The following ZFAT variants were observed in gnomAD, a reference collection of about 807,000 sequenced individuals.
ZFAT encodes zinc finger and AT-hook domain containing, also known as zinc finger protein ZFAT.
In ZFAT, 64 loss-of-function variants were observed where a neutral mutation model predicts 117.7. The ratio of observed to expected loss-of-function variants is 0.54; its 90% confidence interval spans 0.44 to 0.67. The LOEUF (loss-of-function observed/expected upper bound fraction) is 0.67, where lower values mean the gene tolerates loss of function less well. Among genes scored for constraint, ZFAT ranks in the 30% least tolerant of loss-of-function variants. ZFAT has a pLI of 0.00. For synonymous variants in ZFAT, 679 were observed against 615.0 expected, an observed-to-expected ratio of 1.10 and a Z score of -1.54; for missense variants, 1,433 against 1,584.5, an observed-to-expected ratio of 0.90 and a Z score of 1.62.
At chr8:134,694,882 C>T (rs1208779849) in intron 1 of ZFAT, among the ~76,000 whole-genome samples, 1 of 152,192 alleles carries the variant, frequency 6.6e-6, no homozygotes, top group Non-Finnish European at 1.5e-5. Flanking sequence ...ATCACTATAA[C>T]TACAACTCCC....
chr8:134,657,649 C>G lies in ZFAT; in HGVS notation c.108G>C (p.Met36Ile). 5.0e-6 allele frequency: 8 copies of G among 1,614,124 alleles called. No individual in the cohort carries two copies. The highest frequency in any genetic ancestry group is 6.8e-6 in the Non-Finnish European group (8 of 1,180,024). Residue 36 changes from methionine to isoleucine, a missense_variant, in exon 2 of 16, where the codon ATG becomes ATC. By Grantham distance (10) the Met-to-Ile change is conservative. Around this residue, in one of 5 missense-constraint regions of ZFAT, gnomAD observed 436 missense variants for 482.0 expected, o/e 0.90. Transcript: ENST00000377838. ...ELLSHVSEKHMEEGVNVDEII... is the reference protein window; with the variant it reads ...ELLSHVSEKHIEEGVNVDEII... The stretch of plus-strand genomic sequence containing the variant: ...TCTCATCAACATTAACCCCTTCTTC[C>G]ATGTGCTTCTCTGAAACGTGGGAGA...
chr8:134,724,875 C>T, the ZFAT span, among the ~76,000 whole-genome samples: 7 of 152,110 alleles, frequency 4.6e-5, no homozygotes, highest in Non-Finnish European at 8.8e-5. Context: ...TCTCCCTTTG[C>T]GAACTGAAGT....
At chr8:134,624,169 CAT>C (rs1162606285) in intron 3 of ZFAT, among the ~76,000 whole-genome samples, 2 of 136,286 alleles carry the variant, frequency 1.5e-5, no homozygotes, top group Admixed American at 1.6e-4. Flanking sequence ...CGTGCAGGCA[CAT>C]GTGCACATGC....
chr8:134,782,503 T>C, the ZFAT span, among the ~76,000 whole-genome samples: 2 of 152,206 alleles, frequency 1.3e-5, no homozygotes, highest in African/African-American at 4.8e-5. Flanking sequence ...AGGAAATACA[T>C]GAAAATATTA....
intron 11 of ZFAT, among the ~76,000 whole-genome samples, chr8:134,557,825 T>TA (rs1422626756): frequency 6.6e-6 from 1 of 152,228 alleles, no homozygotes; most frequent in Non-Finnish European, 1.5e-5. Context: ...GTCACCCTGT[T>TA]ACACACAGGT....
At chr8:134,578,497 T>C (rs1825481497) in intron 10 of ZFAT, among the ~76,000 whole-genome samples, 1 of 144,848 alleles carries the variant, frequency 6.9e-6, no homozygotes, top group African/African-American at 2.6e-5. Context: ...ATCAGAGAGA[T>C]GGGGGGATCA....
At position 134,564,990 on chromosome 8, in the gene ZFAT, C is replaced by T. The variant is rs1239819261; in HGVS notation, c.2976+343G>A. 10 of 1,263,228 alleles carry T rather than the reference C, an allele frequency of 7.9e-6. No homozygotes were observed. The South Asian group carries it at 9.8e-5, about 12-fold the overall frequency. 78.3% of individuals were successfully genotyped at this position (1,263,228 alleles called of 1,614,324 possible). Reference sequence around the variant, plus strand: ...CCTGCTTTATCGGGTGACTCACCTGCAGCAATCCAGGATCTGAAAGCAAAA... The same window carrying T: ...CCTGCTTTATCGGGTGACTCACCTGTAGCAATCCAGGATCTGAAAGCAAAA... On this transcript the variant is annotated intron_variant, in intron 11 of 15. Transcript: ENST00000377838.
chr8:134,809,264 C>T, the ZFAT span, among the ~76,000 whole-genome samples: 27 of 152,204 alleles, frequency 1.8e-4, no homozygotes, highest in Non-Finnish European at 3.5e-4. Flanking sequence ...CACAGACCTA[C>T]TCCATCCAAA....
At chr8:134,521,903 GTC>G (rs1563804467) in intron 12 of ZFAT, among the ~76,000 whole-genome samples, 2 of 152,174 alleles carry the variant, frequency 1.3e-5, no homozygotes, top group East Asian at 3.9e-4. Flanking sequence ...CACCACAGCT[GTC>G]TGGAACTGTG....
intron 12 of ZFAT, among the ~76,000 whole-genome samples, chr8:134,532,587 T>C (rs1453754022): frequency 1.3e-5 from 2 of 152,222 alleles, no homozygotes; most frequent in Non-Finnish European, 2.9e-5. Flanking sequence ...GTAGAATTTG[T>C]GTGTGAATTT....
intron 11 of ZFAT, among the ~76,000 whole-genome samples, chr8:134,558,658 G>T (rs1012056318): frequency 5.3e-5 from 8 of 152,078 alleles, no homozygotes; most frequent in Non-Finnish European, 7.3e-5. Context: ...GATCAGGCTG[G>T]GTTATATTCC....
the ZFAT span, among the ~76,000 whole-genome samples, chr8:134,778,508 C>T: frequency 9.9e-3 from 1,506 of 152,310 alleles, 16 homozygotes; most frequent in Middle Eastern, 0.017. Context: ...TCCATCTGCT[C>T]GTCAGTCTAT....
At chr8:134,781,985 A>G in the ZFAT span, among the ~76,000 whole-genome samples, 1 of 152,222 alleles carries the variant, frequency 6.6e-6, no homozygotes, top group South Asian at 2.1e-4. Context: ...GCAGTAGTTA[A>G]GTTTGAGAGC....
At chr8:134,558,689 A>G (rs1004918637) in intron 11 of ZFAT, among the ~76,000 whole-genome samples, 1 of 152,204 alleles carries the variant, frequency 6.6e-6, no homozygotes, top group Non-Finnish European at 1.5e-5. Context: ...TCTTTCGAGA[A>G]CTAGAGTCAT....
Position 134,486,548 on chromosome 8 carries a change from G to A in ZFAT, c.3493-7827C>T, listed in dbSNP as rs117955256. On this transcript the variant is annotated intron_variant, in intron 15 of 15. Transcript: ENST00000377838. ...AATGTCCTTGAAAGGGAAGGCACCC[G>A]GGGTTGTGGCTCAGGAAATGAACAG... 9.6e-3 allele frequency among the ~76,000 whole-genome samples: 1,462 copies of A among 152,254 alleles called. 14 individuals are homozygous for A. The highest frequency in any genetic ancestry group is 0.016 in the Non-Finnish European group (1,089 of 68,026).
chr8:134,607,816 A>G (rs927141388), intron 5 of ZFAT, among the ~76,000 whole-genome samples: 1 of 152,260 alleles, frequency 6.6e-6, no homozygotes, highest in African/African-American at 2.4e-5. Context: ...CAGCAGGTAC[A>G]GGCTAAAGAC....
intron 11 of ZFAT, among the ~76,000 whole-genome samples, chr8:134,540,683 T>C (rs1164364731): frequency 3.3e-5 from 5 of 152,240 alleles, no homozygotes; most frequent in Admixed American, 6.5e-5. Flanking sequence ...AAAAAGACTT[T>C]TAAAATGTTG....
intron 1 of ZFAT, among the ~76,000 whole-genome samples, chr8:134,695,375 TC>T (rs1174944917): frequency 2.8e-4 from 41 of 147,062 alleles, no homozygotes; most frequent in African/African-American, 1.1e-3. Flanking sequence ...GCCCAGGCCC[TC>T]CGTCCGTAAC....
chr8:134,672,103 G>T (rs145019183), intron 1 of ZFAT, among the ~76,000 whole-genome samples: 2,195 of 117,534 alleles, frequency 0.019, no homozygotes, highest in South Asian at 0.037. Context: ...GGAAATAAAA[G>T]AGGATACAAA....
Sources: gnomAD v4.1 joint callset for allele counts (sites outside exome capture counted in the v4.1 genomes callset) on GRCh38, gnomAD v4.1.1 for gene constraint, gnomAD v4.1.1 regional missense constraint, MANE v1.5 for transcripts, NCBI Gene and HGNC (gene_info 2026-07-23, HGNC 2026-07-21) for gene names.